BDNF: variants seen among roughly 807,000 people sequenced by gnomAD.
BDNF encodes brain derived neurotrophic factor.
In BDNF, 1 loss-of-function variant was observed where a neutral mutation model predicts 19.5. That is an observed-to-expected ratio of 0.05 (90% CI 0.02 to 0.24). The LOEUF is 0.24. Ranked by LOEUF, BDNF falls within the 10% of genes least tolerant of loss-of-function variation. The pLI is 1.00. For missense variants in BDNF, 195 were observed against 317.6 expected (o/e 0.61, Z 2.93); for synonymous variants, 100 against 121.6 (o/e 0.82, Z 1.17).
chr11:27,703,485 A>T (rs931956714), upstream of BDNF, among the ~76,000 whole-genome samples: 1 of 152,236 alleles, frequency 6.6e-6, no homozygotes, highest in Non-Finnish European at 1.5e-5. Context: ...CTAAGCTAGC[A>T]TTCTGAAGGC....
chr11:27,661,523 T>C (rs1464951951), intron 1 of BDNF, among the ~76,000 whole-genome samples: 1 of 152,170 alleles, frequency 6.6e-6, no homozygotes, highest in Non-Finnish European at 1.5e-5. Context: ...CACCACCTCA[T>C]TTTGTGACCA....
intron 1 of BDNF, among the ~76,000 whole-genome samples, chr11:27,686,726 C>G (rs1362690005): frequency 6.6e-6 from 1 of 152,186 alleles, no homozygotes; most frequent in Non-Finnish European, 1.5e-5. Context: ...ATATTGGCCC[C>G]CACTCTCTTC....
intron 1 of BDNF, among the ~76,000 whole-genome samples, chr11:27,710,845 T>G (rs1265598345): frequency 6.6e-6 from 1 of 152,160 alleles, no homozygotes; most frequent in Non-Finnish European, 1.5e-5. Context: ...CTCTCAGAAG[T>G]CAACTAACTT....
At chr11:27,663,510 C>T (rs1335043081) in intron 1 of BDNF, among the ~76,000 whole-genome samples, 1 of 152,206 alleles carries the variant, frequency 6.6e-6, no homozygotes, top group African/African-American at 2.4e-5. Flanking sequence ...TTGCTGTAGT[C>T]ATAACTTACA....
At chr11:27,714,887 G>A (rs1253454634) in intron 1 of BDNF, among the ~76,000 whole-genome samples, 4 of 152,242 alleles carry the variant, frequency 2.6e-5, no homozygotes, top group South Asian at 2.1e-4. Context: ...GCGGTTGGAA[G>A]TAAAGCCTAA....
chr11:27,703,996 T>C (rs962561536), upstream of BDNF, among the ~76,000 whole-genome samples: 3 of 152,248 alleles, frequency 2.0e-5, no homozygotes, highest in African/African-American at 7.2e-5. Context: ...TCAGGTAGCA[T>C]ATAGAGATAA....
intron 1 of BDNF, chr11:27,659,058 G>A: frequency 5.8e-6 from 6 of 1,032,788 alleles, no homozygotes; most frequent in South Asian, 7.8e-5. Context: ...GGCCTGAGGG[G>A]TCTGATGGGC....
intron 1 of BDNF, chr11:27,674,367 T>C (rs1281223643): frequency 6.6e-7 from 1 of 1,513,392 alleles, no homozygotes; most frequent in Non-Finnish European, 8.9e-7. Context: ...AAAGTGCTCA[T>C]TACTTGTAGC....
intron 1 of BDNF, chr11:27,659,652 CGCGCGCGTGT>C: frequency 3.0e-6 from 2 of 659,870 alleles, no homozygotes; most frequent in Non-Finnish European, 1.8e-6. Flanking sequence ...TGTGTGTGCG[CGCGCGCGTGT>C]GCGCGCGCTC....
chr11:27,679,656 C>A (rs1395472914), intron 1 of BDNF, among the ~76,000 whole-genome samples: 1 of 152,164 alleles, frequency 6.6e-6, no homozygotes, highest in East Asian at 1.9e-4. Flanking sequence ...AGTATTACCC[C>A]AAATGGCCAA....
At chr11:27,664,502 G>C (rs1793484489) in intron 1 of BDNF, among the ~76,000 whole-genome samples, 1 of 152,150 alleles carries the variant, frequency 6.6e-6, no homozygotes, top group Non-Finnish European at 1.5e-5. Flanking sequence ...CAAAGGGCCA[G>C]GTGCAGTGGC....
At chr11:27,720,673 G>C in intron 1 of BDNF, 1 of 985,452 alleles carries the variant, frequency 1.0e-6, no homozygotes. Flanking sequence ...GGACAAATCC[G>C]TTGGCTCTGT....
upstream of BDNF, among the ~76,000 whole-genome samples, chr11:27,702,172 C>T (rs1262224290): frequency 1.3e-5 from 2 of 152,170 alleles, no homozygotes; most frequent in Admixed American, 6.5e-5. Flanking sequence ...CCAATTTGTG[C>T]AGACCTTAAA....
chr11:27,703,156 CA>C (rs1272470589), upstream of BDNF, among the ~76,000 whole-genome samples: 1 of 152,094 alleles, frequency 6.6e-6, no homozygotes, highest in Non-Finnish European at 1.5e-5. Context: ...AACCAGAAAG[CA>C]ATAAAGGACA....
chr11:27,670,981 A>G (rs1017416516), intron 1 of BDNF, among the ~76,000 whole-genome samples: 5 of 152,328 alleles, frequency 3.3e-5, no homozygotes, highest in Non-Finnish European at 7.3e-5. Flanking sequence ...GGCACTATTT[A>G]CAATAGCAAA....
chr11:27,663,678 GT>G (rs1853827545), intron 1 of BDNF, among the ~76,000 whole-genome samples: 1 of 152,216 alleles, frequency 6.6e-6, no homozygotes, highest in African/African-American at 2.4e-5. Context: ...TAGGTCACCT[GT>G]CTCCTGAACC....
chr11:27,713,950 T>C (rs1232545748), intron 1 of BDNF, among the ~76,000 whole-genome samples: 1 of 152,236 alleles, frequency 6.6e-6, no homozygotes, highest in Non-Finnish European at 1.5e-5. Context: ...TTTTTATTTT[T>C]AAATTAATAC....
intron 1 of BDNF, among the ~76,000 whole-genome samples, chr11:27,689,606 T>A (rs1857976955): frequency 6.6e-6 from 1 of 152,228 alleles, no homozygotes; most frequent in Admixed American, 6.5e-5. Context: ...CATGGAACAG[T>A]GACAGTGAAG....
At chr11:27,685,229 G>T (rs1188938982) in intron 1 of BDNF, among the ~76,000 whole-genome samples, 1 of 152,082 alleles carries the variant, frequency 6.6e-6, no homozygotes, top group Non-Finnish European at 1.5e-5. Flanking sequence ...ATTTTTGTGG[G>T]ATCAGTGGTG....
Sources: allele counts gnomAD v4.1 joint callset (sites outside exome capture counted in the v4.1 genomes callset), GRCh38; gene constraint gnomAD v4.1.1; transcripts MANE v1.5; gene names NCBI Gene and HGNC (gene_info 2026-07-23, HGNC 2026-07-21).